CADM2: variants seen among roughly 807,000 people sequenced by gnomAD.
The protein encoded by CADM2 is immunoglobulin superfamily member 4D.
A neutral mutation model predicts 49.8 loss-of-function variants in CADM2; 12 were observed. That is an observed-to-expected ratio of 0.24 (90% confidence interval 0.15 to 0.39). CADM2 has a LOEUF of 0.39. Among genes scored for constraint, CADM2 ranks in the 10% least tolerant of loss-of-function variants. CADM2 has a pLI of 1.00. For missense variants in CADM2, 378 were observed against 492.3 expected (o/e 0.77, Z 2.20); for synonymous variants, 214 against 175.4 (o/e 1.22, Z -1.74).
chr3:84,991,876 T>C (rs1386777929), intron 1 of CADM2, among the ~76,000 whole-genome samples: 1 of 152,138 alleles, frequency 6.6e-6, no homozygotes, highest in African/African-American at 2.4e-5. Context: ...TGCATTCTAT[T>C]AAGTAAAAGA....
chr3:85,262,047 A>G (rs1205901876), intron 1 of CADM2, among the ~76,000 whole-genome samples: 4 of 152,178 alleles, frequency 2.6e-5, no homozygotes, highest in Middle Eastern at 3.4e-3. Context: ...CTCCATTTAC[A>G]TCTTTGGCTG....
chr3:85,560,815 A>G (rs888197892), intron 1 of CADM2, among the ~76,000 whole-genome samples: 1 of 152,196 alleles, frequency 6.6e-6, no homozygotes. Flanking sequence ...AAAGTTTAAA[A>G]CAAACAGGAA....
chr3:84,984,715 C>G (rs1452867905), intron 1 of CADM2, among the ~76,000 whole-genome samples: 2 of 152,174 alleles, frequency 1.3e-5, no homozygotes, highest in East Asian at 3.8e-4. Context: ...AGAAGACATT[C>G]TCATTCTGAA....
chr3:84,994,417 A>G (rs1416842951), intron 1 of CADM2, among the ~76,000 whole-genome samples: 1 of 152,156 alleles, frequency 6.6e-6, no homozygotes, highest in African/African-American at 2.4e-5. Context: ...TTTGCAAATC[A>G]TACAGACAGC....
intron 1 of CADM2, among the ~76,000 whole-genome samples, chr3:85,448,397 T>C (rs1460203494): frequency 6.6e-6 from 1 of 152,142 alleles, no homozygotes; most frequent in African/African-American, 2.4e-5. Flanking sequence ...ATATAGTTGA[T>C]ATTTTTATGA....
chr3:85,151,395 C>T (rs930387799), intron 1 of CADM2, among the ~76,000 whole-genome samples: 5 of 151,672 alleles, frequency 3.3e-5, no homozygotes, highest in Non-Finnish European at 4.4e-5. Flanking sequence ...TTTCTTACTC[C>T]TAGAATTATC....
In CADM2 at chr3:85,086,646, G is replaced by C. The variant is rs1417136145; in HGVS notation, c.61+126978G>C. Among the ~76,000 whole-genome samples the C allele has an allele frequency of 1.1e-4, 16 of 151,598 alleles. 1 individual carries two copies. Among genetic ancestry groups the C allele is most frequent in the Admixed American group, 9.9e-4 (15 of 15,162 alleles). ...CCTGCCTCAGCCTCCAAGTAGCTGG[G>C]ATTGCAGGTGTGCACCACCATGCCT... is the stretch of plus-strand genomic sequence containing the variant. On this transcript the variant is annotated intron_variant, in intron 1 of 9. Transcript: ENST00000383699.
chr3:86,000,887 G>A (rs1286105903), intron 8 of CADM2, among the ~76,000 whole-genome samples: 2 of 152,034 alleles, frequency 1.3e-5, no homozygotes, highest in Admixed American at 6.6e-5. Flanking sequence ...GGTCCTAATT[G>A]GTTTTTTAAT....
chr3:85,334,520 A>C (rs2107165581), intron 1 of CADM2, among the ~76,000 whole-genome samples: 1 of 151,732 alleles, frequency 6.6e-6, no homozygotes, highest in East Asian at 1.9e-4. Context: ...GATGATGATT[A>C]ATCAATGTTC....
chr3:86,014,173 T>G (rs780041281), intron 8 of CADM2: 13 of 1,291,486 alleles, frequency 1.0e-5, no homozygotes, highest in African/African-American at 1.5e-5. Context: ...GCACTTGTTT[T>G]AGGTTCAGAT....
chr3:85,105,326 C>G (rs2107554072), intron 1 of CADM2, among the ~76,000 whole-genome samples: 1 of 152,216 alleles, frequency 6.6e-6, no homozygotes, highest in African/African-American at 2.4e-5. Flanking sequence ...ATTTGTGAAT[C>G]CAAAAAACAC....
At chr3:85,148,754 G>A (rs979126832) in intron 1 of CADM2, among the ~76,000 whole-genome samples, 2 of 152,234 alleles carry the variant, frequency 1.3e-5, no homozygotes, top group East Asian at 3.9e-4. Context: ...AATAAAATAA[G>A]CTAGATAAAA....
chr3:86,063,710 A>G (rs984737130), intron 8 of CADM2, among the ~76,000 whole-genome samples: 3 of 152,224 alleles, frequency 2.0e-5, no homozygotes, highest in African/African-American at 7.2e-5. Context: ...CATTAAAAAT[A>G]CAGAAGACTC....
chr3:86,054,288 A>G (rs1737663243), intron 8 of CADM2, among the ~76,000 whole-genome samples: 1 of 152,144 alleles, frequency 6.6e-6, no homozygotes, highest in African/African-American at 2.4e-5. Flanking sequence ...ACTCATAAAC[A>G]TAGTTAATAT....
chr3:85,824,636 T>G (rs950071779), intron 3 of CADM2, among the ~76,000 whole-genome samples: 2 of 151,998 alleles, frequency 1.3e-5, no homozygotes, highest in African/African-American at 4.8e-5. Flanking sequence ...GGAAAATCAC[T>G]TGTAATGTTT....
intron 1 of CADM2, among the ~76,000 whole-genome samples, chr3:85,691,124 A>C (rs1261004629): frequency 6.6e-6 from 1 of 151,926 alleles, no homozygotes. Context: ...TCTCTCCTCT[A>C]CTTCTTTGAA....
chr3:85,235,345 G>A (rs1204237102), intron 1 of CADM2, among the ~76,000 whole-genome samples: 7 of 151,958 alleles, frequency 4.6e-5, no homozygotes, highest in Admixed American at 1.3e-4. Flanking sequence ...GTTTTTGAGT[G>A]ATAAATAAAT....
chr3:85,092,100 A>G (rs1408089459), intron 1 of CADM2, among the ~76,000 whole-genome samples: 1 of 152,142 alleles, frequency 6.6e-6, no homozygotes, highest in East Asian at 1.9e-4. Flanking sequence ...TGGTAGCTTT[A>G]TAAAGCTTTA....
intron 1 of CADM2, among the ~76,000 whole-genome samples, chr3:85,686,079 T>A (rs1559592373): frequency 6.6e-6 from 1 of 152,254 alleles, no homozygotes; most frequent in African/African-American, 2.4e-5. Context: ...TGTTAACACA[T>A]GCATTTTGAT....
Sources: allele counts gnomAD v4.1 joint callset (sites outside exome capture counted in the v4.1 genomes callset), GRCh38; gene constraint gnomAD v4.1.1; transcripts MANE v1.5; gene names NCBI Gene and HGNC (gene_info 2026-07-23, HGNC 2026-07-21).